ZNF469: variants seen among roughly 807,000 people sequenced by gnomAD.
ZNF469 encodes zinc finger protein 469.
A neutral mutation model predicts 1.0 loss-of-function variants in ZNF469; 1 was observed. That is an observed-to-expected ratio of 1.00 (90% CI 0.35 to 4.73). The LOEUF is 4.73. Ranked by LOEUF, ZNF469 falls within the 30% of genes most tolerant of loss-of-function variation. The pLI is 0.16. For missense variants in ZNF469, 6,100 were observed against 5,356.3 expected, an observed-to-expected ratio of 1.14 and a Z score of -4.33; for synonymous variants, 2,703 against 2,363.4, an observed-to-expected ratio of 1.14 and a Z score of -4.17.
upstream of ZNF469, among the ~76,000 whole-genome samples, chr16:88,378,211 C>T (rs1000442141): frequency 2.6e-5 from 4 of 152,182 alleles, no homozygotes; most frequent in African/African-American, 2.4e-5. Context: ...TCAGAGAGGC[C>T]GCTGACTCAC....
chr16:88,227,582 CT>C, the ZNF469 span, among the ~76,000 whole-genome samples: 2 of 149,896 alleles, frequency 1.3e-5, no homozygotes, highest in African/African-American at 4.9e-5. Flanking sequence ...TGGCCCCCCC[CT>C]TCTCCCTCCC....
chr16:88,355,445 C>T, the ZNF469 span, among the ~76,000 whole-genome samples: 8 of 152,236 alleles, frequency 5.3e-5, no homozygotes, highest in Admixed American at 1.3e-4. Context: ...TTCATCTTCC[C>T]GCTGGACCCT....
At chr16:88,108,891 C>T in the ZNF469 span, among the ~76,000 whole-genome samples, 7 of 152,142 alleles carry the variant, frequency 4.6e-5, no homozygotes, top group Non-Finnish European at 7.4e-5. Flanking sequence ...CAGCCCCGGT[C>T]GGGACTTCAG....
intron 1 of ZNF469, among the ~76,000 whole-genome samples, chr16:88,387,970 A>T (rs1044177793): frequency 2.0e-5 from 3 of 152,244 alleles, no homozygotes; most frequent in African/African-American, 7.2e-5. Flanking sequence ...AGCTTCACCC[A>T]GCCCTCCCAG....
At chr16:88,347,851 A>G in the ZNF469 span, among the ~76,000 whole-genome samples, 1 of 152,354 alleles carries the variant, frequency 6.6e-6, no homozygotes, top group Middle Eastern at 3.4e-3. Flanking sequence ...CCAGGAAGAT[A>G]GCAGAGTCCT....
At position 88,436,531 on chromosome 16, in the gene ZNF469, C is replaced by G. The variant is rs2142313429; in HGVS notation, c.9061C>G (p.Pro3021Ala). The G allele has an allele frequency of 6.5e-7, 1 of 1,549,414 alleles. No individual in the cohort carries two copies. Among genetic ancestry groups the G allele is most frequent in the South Asian group, 1.2e-5 (1 of 84,060 alleles). ...TCTCGGAGATGTGAGCCCCGAGCCC[C>G]CCAGCCTGGAGAGAGAACGCTGTGA... The part of the protein sequence containing the change: ...SSLGDVSPEP[P>A]SLERERCDGG... Residue 3021 changes from proline (P) to alanine (A), a missense_variant, in exon 3 of 3, where the codon CCC becomes GCC. Transcript: ENST00000565624.
the ZNF469 span, among the ~76,000 whole-genome samples, chr16:88,175,004 G>A: frequency 6.6e-6 from 1 of 152,036 alleles, no homozygotes; most frequent in East Asian, 1.9e-4. Context: ...GTCTGCAAGT[G>A]TGAACATGGG....
the ZNF469 span, among the ~76,000 whole-genome samples, chr16:88,267,641 G>T: frequency 1.3e-5 from 2 of 152,012 alleles, no homozygotes; most frequent in East Asian, 1.9e-4. Flanking sequence ...ACCACACAGG[G>T]CCCCCAGGTG....
At chr16:88,392,361 G>A (rs184576708) in intron 1 of ZNF469, among the ~76,000 whole-genome samples, 4 of 152,364 alleles carry the variant, frequency 2.6e-5, no homozygotes, top group Admixed American at 2.0e-4. Flanking sequence ...GATGCCAAAC[G>A]CCTAGCGTAG....
the ZNF469 span, among the ~76,000 whole-genome samples, chr16:88,351,037 C>T: frequency 2.0e-5 from 3 of 152,260 alleles, no homozygotes; most frequent in Admixed American, 2.0e-4. Flanking sequence ...CTGCCGCGCT[C>T]CCCCGGCGTG....
the ZNF469 span, among the ~76,000 whole-genome samples, chr16:88,296,799 G>T: frequency 6.6e-6 from 1 of 151,714 alleles, no homozygotes; most frequent in Non-Finnish European, 1.5e-5. Flanking sequence ...TCACACACAT[G>T]GTAGTGCACA....
chr16:88,169,832 C>T, the ZNF469 span, among the ~76,000 whole-genome samples: 1 of 152,224 alleles, frequency 6.6e-6, no homozygotes, highest in Non-Finnish European at 1.5e-5. The surrounding 1 kb of genome is among the most constrained non-coding windows in gnomAD (Gnocchi z 6.1). Context: ...ATGAGGGTTC[C>T]TGTGGCCCCT....
At chr16:88,326,494 C>T in the ZNF469 span, among the ~76,000 whole-genome samples, 3 of 152,316 alleles carry the variant, frequency 2.0e-5, no homozygotes, top group Non-Finnish European at 4.4e-5. Flanking sequence ...GGGACTGCAG[C>T]TTCTGCTGCT....
the ZNF469 span, among the ~76,000 whole-genome samples, chr16:88,239,489 CTCTT>C: frequency 6.8e-6 from 1 of 146,788 alleles, no homozygotes; most frequent in Non-Finnish European, 1.5e-5. Context: ...ATGATGGTCT[CTCTT>C]TTTTTTTTTT....
At chr16:88,288,919 A>G in the ZNF469 span, among the ~76,000 whole-genome samples, 2 of 152,224 alleles carry the variant, frequency 1.3e-5, no homozygotes, top group Admixed American at 6.5e-5. Context: ...ATTTAATGAC[A>G]AAGAGCATAA....
chr16:88,247,144 T>C, the ZNF469 span, among the ~76,000 whole-genome samples: 2 of 149,932 alleles, frequency 1.3e-5, no homozygotes, highest in Non-Finnish European at 1.5e-5. Context: ...GATGAGTGAG[T>C]TAGTGAATGA....
chr16:88,202,562 C>T, the ZNF469 span, among the ~76,000 whole-genome samples: 7 of 152,206 alleles, frequency 4.6e-5, no homozygotes, highest in Non-Finnish European at 1.0e-4. Flanking sequence ...GGGGCAGGTG[C>T]TGGCTCTGGC....
At chr16:88,398,445 T>G (rs76244329) in intron 1 of ZNF469, among the ~76,000 whole-genome samples, 1 of 146,908 alleles carries the variant, frequency 6.8e-6, no homozygotes, top group South Asian at 2.2e-4. Context: ...AAGGGACATG[T>G]GAGACATGGT....
At chr16:88,403,127 T>C (rs2142276433) in intron 1 of ZNF469, among the ~76,000 whole-genome samples, 1 of 152,160 alleles carries the variant, frequency 6.6e-6, no homozygotes, top group Admixed American at 6.5e-5. Context: ...GAGAGAACCT[T>C]GGGTGGAGGC....
Sources: allele counts gnomAD v4.1 joint callset (sites outside exome capture counted in the v4.1 genomes callset), GRCh38; gene constraint gnomAD v4.1.1; non-coding constraint Gnocchi (gnomAD v3.1); transcripts MANE v1.5; gene names NCBI Gene and HGNC (gene_info 2026-07-23, HGNC 2026-07-21).